DPYSL5: variants seen among roughly 807,000 people sequenced by gnomAD.
DPYSL5 encodes the protein dihydropyrimidinase like 5.
A neutral mutation model predicts 58.4 loss-of-function variants in DPYSL5; 9 were observed. The ratio of observed to expected loss-of-function variants is 0.15; its 90% CI spans 0.09 to 0.27. The LOEUF (loss-of-function observed/expected upper bound fraction) is 0.27. DPYSL5 is among the 10% of genes least tolerant of loss of function. The pLI, the probability that DPYSL5 is intolerant of heterozygous loss-of-function variation, is 1.00. For missense variants in DPYSL5, 499 were observed against 770.6 expected, an observed-to-expected ratio of 0.65 and a Z score of 4.17; for synonymous variants, 293 against 301.9, an observed-to-expected ratio of 0.97 and a Z score of 0.31.
intron 2 of DPYSL5, among the ~76,000 whole-genome samples, chr2:26,900,617 G>T (rs1014940023): frequency 2.2e-4 from 33 of 152,152 alleles, no homozygotes; most frequent in Non-Finnish European, 4.1e-4. Flanking sequence ...GAATTGCAGG[G>T]CCCATAGGGT....
At chr2:26,882,531 T>C (rs888570501) in intron 1 of DPYSL5, among the ~76,000 whole-genome samples, 3 of 152,044 alleles carry the variant, frequency 2.0e-5, no homozygotes, top group East Asian at 3.9e-4. Context: ...CAAGCAATAC[T>C]CCTGCCTCAG....
chr2:26,898,000 T>C (rs1047641899), intron 1 of DPYSL5, among the ~76,000 whole-genome samples: 3 of 152,170 alleles, frequency 2.0e-5, no homozygotes, highest in Non-Finnish European at 4.4e-5. Flanking sequence ...AGAGTTCAGC[T>C]CTGAGACACA....
intron 2 of DPYSL5, among the ~76,000 whole-genome samples, chr2:26,921,696 C>T (rs1432945757): frequency 6.6e-6 from 1 of 152,128 alleles, no homozygotes; most frequent in Non-Finnish European, 1.5e-5. Context: ...GGCTTGCGAG[C>T]CTGCAGCTGG....
chr2:26,932,181 A>AAGAAAGAAAGAAAGAAAGAAAGAC (rs1665035966), intron 6 of DPYSL5, among the ~76,000 whole-genome samples: 16 of 74,948 alleles, frequency 2.1e-4, no homozygotes, highest in South Asian at 5.0e-4. Context: ...GAAAGAAAGA[A>AAGAAAGAAAGAAAGAAAGAAAGAC]AGAAAGAAAG....
At chr2:26,920,399 A>T (rs1322257954) in intron 2 of DPYSL5, among the ~76,000 whole-genome samples, 1 of 152,238 alleles carries the variant, frequency 6.6e-6, no homozygotes, top group Admixed American at 6.5e-5. Flanking sequence ...AGTGTACATT[A>T]TAAAACTCAT....
chr2:26,889,827 T>C lies in DPYSL5; in HGVS notation c.-4-8669T>C, dbSNP rs1663826586. Among the ~76,000 whole-genome samples the C allele has an allele frequency of 2.0e-5, 3 of 152,156 alleles. No homozygotes were observed. In the South Asian group the frequency reaches 6.2e-4, roughly 32 times the overall value. On this transcript the variant is annotated intron_variant, in intron 1 of 12. Transcript: ENST00000288699. ...GACTCCTTCACTATGTTCATACACA[T>C]GTGCACACACAGACAGCCTGTGCTG...
chr2:26,903,316 C>T (rs534549585), intron 2 of DPYSL5, among the ~76,000 whole-genome samples: 36 of 152,304 alleles, frequency 2.4e-4, no homozygotes, highest in Non-Finnish European at 2.4e-4. Context: ...GTGATCCACC[C>T]GCTTCGGCCT....
At position 26,927,455 on chromosome 2, in the gene DPYSL5, T is replaced by C. The variant is rs201378579; in HGVS notation, c.600+23T>C. The stretch of plus-strand genomic sequence containing the variant: ...GAGGCAAGTCTGCAGCCAAGAATAT[T>C]GGATGGAGGGACACCAGTGGAGACA... On this transcript the variant is annotated intron_variant, in intron 4 of 12. Coordinates refer to ENST00000288699, the MANE Select transcript of DPYSL5 (RefSeq NM_020134.4). The surrounding 1 kb of genome is among the most constrained non-coding windows in gnomAD (Gnocchi z 4.3). 8.7e-6 allele frequency: 14 copies of C among 1,611,278 alleles called. No homozygotes were observed. In the East Asian group the frequency reaches 2.9e-4, roughly 33 times the overall value.
At chr2:26,886,544 TCTA>T in intron 1 of DPYSL5, among the ~76,000 whole-genome samples, 1 of 152,362 alleles carries the variant, frequency 6.6e-6, no homozygotes, top group African/African-American at 2.4e-5. Flanking sequence ...TTATTTTAAA[TCTA>T]CTCAATAGTT....
intron 2 of DPYSL5, among the ~76,000 whole-genome samples, chr2:26,902,817 A>T (rs1664192064): frequency 1.3e-5 from 2 of 152,188 alleles, no homozygotes; most frequent in East Asian, 3.8e-4. Flanking sequence ...GCCAGGTCCC[A>T]CCAAAACCAA....
intron 1 of DPYSL5, among the ~76,000 whole-genome samples, chr2:26,888,326 A>G (rs951762073): frequency 3.4e-5 from 5 of 147,826 alleles, no homozygotes; most frequent in Non-Finnish European, 5.9e-5. Context: ...GGAGTGCAGT[A>G]GTAGTGCAAT....
Position 26,849,403 on chromosome 2 carries a change from C to A in DPYSL5, c.-5+1149C>A, listed in dbSNP as rs1239376422. Among the ~76,000 whole-genome samples, 2 of 151,926 alleles carry A rather than the reference C, an allele frequency of 1.3e-5. No homozygotes were observed. Among genetic ancestry groups the A allele is most frequent in the Non-Finnish European group, 2.9e-5 (2 of 67,962 alleles). On this transcript the variant is annotated intron_variant, in intron 1 of 12. Coordinates refer to ENST00000288699, the MANE Select transcript of DPYSL5 (RefSeq NM_020134.4). The surrounding 1 kb of genome is among the most constrained non-coding windows in gnomAD (Gnocchi z 6.2). ...GGGCCCGAGGATCCTCAGCTCCAGGCGCGGGGCCCCGCGGCCCAGGTGGCC... is the reference window on the plus strand; with the variant it reads ...GGGCCCGAGGATCCTCAGCTCCAGGAGCGGGGCCCCGCGGCCCAGGTGGCC...
chr2:26,942,189 T>G lies in DPYSL5; in HGVS notation c.1232+97T>G. On this transcript the variant is annotated intron_variant, in intron 10 of 12. Coordinates refer to ENST00000288699, the MANE Select transcript of DPYSL5 (RefSeq NM_020134.4). This position sits in a 1 kb window ranked among gnomAD's most constrained non-coding sequence, Gnocchi z 5.9. ...CAAAAGCATATAATTTTGCACTATT[T>G]CTAGCACAAAATATGGCCCTGGCCT... 6.5e-7 allele frequency: 1 copy of G among 1,549,078 alleles called. No homozygotes were observed. The highest frequency in any genetic ancestry group is 8.7e-7 in the Non-Finnish European group (1 of 1,145,544).
chr2:26,939,749 CT>C, intron 8 of DPYSL5: 1 of 352,118 alleles, frequency 2.8e-6, no homozygotes. Flanking sequence ...CTAAGTTCGG[CT>C]TTTCTCTGCT....
rs991278094 is a variant in DPYSL5 at position 26,849,158 on chromosome 2, C to T, written c.-5+904C>T. 6.6e-6 allele frequency among the ~76,000 whole-genome samples: 1 copy of T among 150,708 alleles called. No individual in the cohort carries two copies. The highest frequency in any genetic ancestry group is 2.4e-5 in the African/African-American group (1 of 40,898). On this transcript the variant is annotated intron_variant, in intron 1 of 12. Transcript: ENST00000288699. This position sits in a 1 kb window ranked among gnomAD's most constrained non-coding sequence, Gnocchi z 6.2. ...GGAAAGAGAAGGGGCGGGGGCGGGT[C>T]CGAAGAACGAGGGAAGGAGCTCGGT...
chr2:26,903,491 C>T (rs1022444376), intron 2 of DPYSL5, among the ~76,000 whole-genome samples: 4 of 152,220 alleles, frequency 2.6e-5, no homozygotes, highest in African/African-American at 9.6e-5. Context: ...ATCCAGTGTC[C>T]AGTCCCCAGC....
intron 1 of DPYSL5, among the ~76,000 whole-genome samples, chr2:26,861,153 A>G (rs1666001045): frequency 1.3e-5 from 2 of 152,212 alleles, no homozygotes; most frequent in South Asian, 4.1e-4. Context: ...TTGGGCTTTC[A>G]GGCTTACTGA....
rs1356724488 is a variant in DPYSL5, at chr2:26,927,877, G to A, written c.601-378G>A. Among the ~76,000 whole-genome samples, 1 of 152,200 alleles carries A rather than the reference G, an allele frequency of 6.6e-6. No homozygotes were observed. The highest frequency in any genetic ancestry group is 1.5e-5 in the Non-Finnish European group (1 of 68,040). On this transcript the variant is annotated intron_variant, in intron 4 of 12. Coordinates refer to ENST00000288699, the MANE Select transcript of DPYSL5 (RefSeq NM_020134.4). The surrounding 1 kb of genome is among the most constrained non-coding windows in gnomAD (Gnocchi z 4.3). The stretch of plus-strand genomic sequence containing the variant: ...CTCTGGTGCATTCTCCTAGGTCTTG[G>A]GGTAAGGGCTAGCCTAGCAGTTGCT...
chr2:26,857,841 G>A (rs547982901), intron 1 of DPYSL5, among the ~76,000 whole-genome samples: 4 of 152,258 alleles, frequency 2.6e-5, no homozygotes, highest in Non-Finnish European at 4.4e-5. Flanking sequence ...TAAAGATAAG[G>A]CACAACAATA....
Sources: allele counts gnomAD v4.1 joint callset (sites outside exome capture counted in the v4.1 genomes callset), GRCh38; gene constraint gnomAD v4.1.1; non-coding constraint Gnocchi (gnomAD v3.1); transcripts MANE v1.5; gene names NCBI Gene and HGNC (gene_info 2026-07-23, HGNC 2026-07-21).